The following TXNRD1 variants were observed in gnomAD, a reference collection of about 807,000 sequenced individuals.
TXNRD1 encodes the protein thioredoxin reductase 1, cytoplasmic.
A neutral mutation model predicts 80.3 loss-of-function variants in TXNRD1; 57 were observed. The observed-to-expected ratio is 0.71, with a 90% CI of 0.57 to 0.89. TXNRD1 has a LOEUF of 0.89. Ranked by LOEUF, TXNRD1 falls within the 40% of genes least tolerant of loss-of-function variation. The pLI is 0.00. For missense variants in TXNRD1, 730 were observed against 803.0 expected (o/e 0.91, Z 1.10); for synonymous variants, 291 against 285.2 (o/e 1.02, Z -0.20).
At chr12:104,218,322 C>A (rs2135671115) in intron 1 of TXNRD1, among the ~76,000 whole-genome samples, 1 of 152,224 alleles carries the variant, frequency 6.6e-6, no homozygotes, top group Middle Eastern at 3.4e-3. Context: ...CCACGCCCGG[C>A]CTGAACTATT....
intron 3 of TXNRD1, chr12:104,287,439 A>C: frequency 2.5e-6 from 4 of 1,613,374 alleles, no homozygotes; most frequent in Non-Finnish European, 3.4e-6. Context: ...TGGGTATTGT[A>C]TCGTTTCTTA....
At chr12:104,314,801 G>C (rs533102290) in intron 6 of TXNRD1, among the ~76,000 whole-genome samples, 1 of 148,404 alleles carries the variant, frequency 6.7e-6, no homozygotes, top group Admixed American at 6.7e-5. Flanking sequence ...GAGTGCAGTG[G>C]CGCTATCTCG....
intron 3 of TXNRD1, among the ~76,000 whole-genome samples, chr12:104,264,423 A>G (rs1214103066): frequency 1.3e-5 from 2 of 152,256 alleles, no homozygotes; most frequent in African/African-American, 4.8e-5. Flanking sequence ...GCTTTCTCCC[A>G]TAGCGAATGA....
At chr12:104,304,362 A>G in intron 4 of TXNRD1, 5 of 1,614,002 alleles carry the variant, frequency 3.1e-6, no homozygotes, top group Non-Finnish European at 4.2e-6. Flanking sequence ...AGTGATTGTG[A>G]TGATAGCATA....
intron 4 of TXNRD1, among the ~76,000 whole-genome samples, chr12:104,309,129 A>G (rs1252961116): frequency 6.6e-6 from 1 of 152,062 alleles, no homozygotes; most frequent in Non-Finnish European, 1.5e-5. Context: ...TGAACTCCTG[A>G]GCTCAGGCAG....
intron 10 of TXNRD1, among the ~76,000 whole-genome samples, chr12:104,322,438 T>A (rs1320063804): frequency 7.3e-6 from 1 of 137,076 alleles, no homozygotes; most frequent in African/African-American, 2.8e-5. Flanking sequence ...TGGAGTGCAG[T>A]AGCCCAATCT....
intron 3 of TXNRD1, among the ~76,000 whole-genome samples, chr12:104,285,212 G>T (rs1009714824): frequency 1.3e-5 from 2 of 152,062 alleles, no homozygotes; most frequent in African/African-American, 4.8e-5. Flanking sequence ...ATAAATTGCT[G>T]CATGATGAGA....
chr12:104,309,878 C>G (rs1452923350), intron 4 of TXNRD1: 11 of 1,535,860 alleles, frequency 7.2e-6, no homozygotes, highest in Non-Finnish European at 9.6e-6. Flanking sequence ...GTCTTGCCCC[C>G]ACTGTTGCTG....
chr12:104,265,469 TGAA>T, intron 3 of TXNRD1: 2 of 1,607,990 alleles, frequency 1.2e-6, no homozygotes, highest in East Asian at 2.2e-5. Flanking sequence ...TTAAAGAAGA[TGAA>T]GAAGTCTTCA....
At chr12:104,327,438 C>G in intron 12 of TXNRD1, 77 bp from the exon 13 acceptor site, 1 of 1,462,946 alleles carries the variant, frequency 6.8e-7, no homozygotes, top group Non-Finnish European at 9.2e-7. Flanking sequence ...TTGGGCTTCC[C>G]TGAAAAAACG....
rs1175920674 is a variant in TXNRD1 at position 104,251,527 on chromosome 12, C to G, written c.92C>G (p.Ala31Gly). Residue 31 changes from alanine (A) to glycine (G), a missense_variant and splice_region_variant, in exon 2 of 17, where the codon GCT becomes GGT. Ala to Gly is a moderately conservative substitution (Grantham distance 60). Transcript: ENST00000525566. ...CCATCCTTACTTCCATTACTTCTAG[C>G]TAAAGATCATCACCCTGGTAAAACT... is the stretch of plus-strand genomic sequence containing the variant. ...GKNGDGRRRS[A>G]KDHHPGKTLP... 6.2e-7 allele frequency: 1 copy of G among 1,613,434 alleles called. No homozygotes were observed. The highest frequency in any genetic ancestry group is 8.5e-7 in the Non-Finnish European group (1 of 1,179,682).
chr12:104,278,396 T>C (rs2033804161), intron 3 of TXNRD1, among the ~76,000 whole-genome samples: 1 of 151,170 alleles, frequency 6.6e-6, no homozygotes, highest in Non-Finnish European at 1.5e-5. Context: ...GAGACGGGTT[T>C]CACCATTTTA....
intron 16 of TXNRD1, among the ~76,000 whole-genome samples, chr12:104,339,764 G>A (rs2036261362): frequency 6.6e-6 from 1 of 152,192 alleles, no homozygotes; most frequent in Admixed American, 6.5e-5. Context: ...TCATCCAAGA[G>A]TTGAATATTG....
intron 4 of TXNRD1, among the ~76,000 whole-genome samples, chr12:104,296,363 A>AGGCT (rs1299700226): frequency 6.6e-6 from 1 of 152,192 alleles, no homozygotes; most frequent in Non-Finnish European, 1.5e-5. Context: ...GAGAACAATG[A>AGGCT]GGCTGGGCTT....
chr12:104,298,163 C>G (rs1377783902), intron 4 of TXNRD1, among the ~76,000 whole-genome samples: 1 of 152,150 alleles, frequency 6.6e-6, no homozygotes, highest in African/African-American at 2.4e-5. Flanking sequence ...CTTTTAGATA[C>G]TAGACTTAAG....
chr12:104,216,216 T>A (rs1335131350), intron 1 of TXNRD1, among the ~76,000 whole-genome samples: 1 of 152,218 alleles, frequency 6.6e-6, no homozygotes, highest in African/African-American at 2.4e-5. Context: ...CCGCCTGATT[T>A]CGCTCAGGGC....
intron 3 of TXNRD1, among the ~76,000 whole-genome samples, chr12:104,270,918 G>A (rs973919961): frequency 4.6e-5 from 7 of 151,866 alleles, no homozygotes; most frequent in African/African-American, 1.7e-4. Flanking sequence ...GGAGGCCGAG[G>A]GGGGTGGATC....
chr12:104,304,809 G>A (rs753356677), intron 4 of TXNRD1: 4 of 1,614,050 alleles, frequency 2.5e-6, no homozygotes, highest in Non-Finnish European at 3.4e-6. Context: ...AACCAAATGG[G>A]TGAGGGAAAT....
chr12:104,307,136 C>T (rs1044114417), intron 4 of TXNRD1, among the ~76,000 whole-genome samples: 1 of 152,050 alleles, frequency 6.6e-6, no homozygotes, highest in African/African-American at 2.4e-5. Flanking sequence ...ATTGCCTCAT[C>T]ATTTTTGAAA....
Sources: allele counts gnomAD v4.1 joint callset (sites outside exome capture counted in the v4.1 genomes callset), GRCh38; gene constraint gnomAD v4.1.1; transcripts MANE v1.5; gene names NCBI Gene and HGNC (gene_info 2026-07-23, HGNC 2026-07-21).